LRRC36: variants seen among roughly 807,000 people sequenced by gnomAD.
The protein encoded by LRRC36 is leucine rich repeat containing 36.
LRRC36 carries 62 observed loss-of-function variants against 81.1 expected under a neutral mutation model. That is an observed-to-expected ratio of 0.76 (90% CI 0.62 to 0.94). The LOEUF is 0.94. Ranked by LOEUF, LRRC36 falls within the 40% of genes least tolerant of loss-of-function variation. The probability of loss-of-function intolerance (pLI) is 0.00; values close to 1 mark genes in which losing one functional copy is unlikely to be tolerated. For missense variants in LRRC36, 761 were observed against 881.7 expected (o/e 0.86, Z 1.73); for synonymous variants, 334 against 348.6 (o/e 0.96, Z 0.47).
intron 1 of LRRC36, among the ~76,000 whole-genome samples, chr16:67,339,208 A>G (rs915372016): frequency 1.3e-5 from 2 of 151,082 alleles, no homozygotes; most frequent in African/African-American, 2.4e-5. Context: ...ATTCATTCTC[A>G]AGGTGCCAGT....
chr16:67,361,657 C>T (rs2039150301), intron 5 of LRRC36, among the ~76,000 whole-genome samples: 1 of 152,156 alleles, frequency 6.6e-6, no homozygotes, highest in Admixed American at 6.5e-5. Context: ...ACAGCAACCT[C>T]TGCTTCCCGG....
chr16:67,332,238 C>G (rs1355782591), intron 1 of LRRC36, among the ~76,000 whole-genome samples: 2 of 151,964 alleles, frequency 1.3e-5, no homozygotes, highest in African/African-American at 4.8e-5. Context: ...GATTTGTTCT[C>G]TGATTTGTCT....
In LRRC36 at chr16:67,338,628, T is replaced by A. The variant is rs143931477; in HGVS notation, c.71-3329T>A. ...TTGGTATATCTTACATATGGATGAA[T>A]CTTTTACCCATGCATGATTTTGTAA... On this transcript the variant is annotated intron_variant, in intron 1 of 13. Transcript: ENST00000329956. 2.2e-3 allele frequency among the ~76,000 whole-genome samples: 330 copies of A among 152,278 alleles called. 1 individual carries two copies. The highest frequency in any genetic ancestry group is 7.3e-3 in the African/African-American group (303 of 41,574).
intron 12 of LRRC36, among the ~76,000 whole-genome samples, chr16:67,379,341 G>A (rs1225855925): frequency 2.6e-5 from 4 of 152,142 alleles, no homozygotes; most frequent in African/African-American, 9.7e-5. Flanking sequence ...CTTGAGCCCA[G>A]CAGTTCAAGG....
In LRRC36 at chr16:67,382,179, C is replaced by T. The variant is rs776573434; in HGVS notation, c.1977C>T (p.Cys659=). 3.7e-6 allele frequency: 6 copies of T among 1,614,060 alleles called. No individual in the cohort carries two copies. Among genetic ancestry groups the T allele is most frequent in the Non-Finnish European group, 5.1e-6 (6 of 1,180,028 alleles). The stretch of plus-strand genomic sequence containing the variant: ...AACAGCTGACCATGCAGGTGGCTTG[C>T]CTGAACCAGGAGCTTGCCCAGCTGA... The part of the protein sequence containing the change: ...KNQQLTMQVA[C]LNQELAQLKK... The change falls in exon 13 of 14, where the codon TGC becomes TGT. Residue 659 remains cysteine (C), a synonymous_variant. Coordinates refer to ENST00000329956, the MANE Select transcript of LRRC36 (RefSeq NM_018296.6).
At chr16:67,366,203 A>C (rs1462500226) in intron 7 of LRRC36, among the ~76,000 whole-genome samples, 1 of 151,420 alleles carries the variant, frequency 6.6e-6, no homozygotes, top group African/African-American at 2.4e-5. Context: ...CCCAGGCTGG[A>C]GTACAGTACA....
At chr16:67,373,889 A>G (rs893929298) in intron 9 of LRRC36, among the ~76,000 whole-genome samples, 1 of 151,532 alleles carries the variant, frequency 6.6e-6, no homozygotes, top group Non-Finnish European at 1.5e-5. Context: ...GTGCACACCT[A>G]TTATCCCAGC....
chr16:67,334,304 C>A (rs2142577672), intron 1 of LRRC36, among the ~76,000 whole-genome samples: 1 of 152,066 alleles, frequency 6.6e-6, no homozygotes, highest in Non-Finnish European at 1.5e-5. Context: ...CAGGCGTGAG[C>A]CACCGCGCCT....
At chr16:67,343,618 C>T (rs1336730203) in intron 2 of LRRC36, among the ~76,000 whole-genome samples, 2 of 151,012 alleles carry the variant, frequency 1.3e-5, no homozygotes, top group African/African-American at 4.9e-5. Context: ...TTGCTTGAAC[C>T]TGGGAGGCAG....
At position 67,384,933 on chromosome 16, in the gene LRRC36, C is replaced by T. The variant is rs1245079666; in HGVS notation, c.2109C>T (p.Ser703=). The T allele has an allele frequency of 1.4e-5, 22 of 1,614,022 alleles. No individual in the cohort carries two copies. The highest frequency in any genetic ancestry group is 8.8e-5 in the South Asian group (8 of 91,082). The change falls in exon 14 of 14, where the codon TCC becomes TCT. Residue 703 remains serine, a synonymous_variant. Coordinates refer to ENST00000329956, the MANE Select transcript of LRRC36 (RefSeq NM_018296.6). The part of the protein sequence containing the change: ...QQLNKEPKGY[S]GKALLPPEKG... ...TGAATAAGGAGCCAAAAGGTTATTC[C>T]GGGAAAGCGCTCCTGCCTCCTGAGA...
chr16:67,353,798 C>T (rs567382291), intron 5 of LRRC36, among the ~76,000 whole-genome samples: 1 of 152,258 alleles, frequency 6.6e-6, no homozygotes, highest in African/African-American at 2.4e-5. Flanking sequence ...AAATAACTTG[C>T]CCTAGTTATG....
chr16:67,333,786 C>T (rs2037614864), intron 1 of LRRC36, among the ~76,000 whole-genome samples: 1 of 152,062 alleles, frequency 6.6e-6, no homozygotes, highest in Non-Finnish European at 1.5e-5. Flanking sequence ...TTTAGGTTTA[C>T]AGAGAAATTG....
chr16:67,376,845 G>C lies in LRRC36; in HGVS notation c.1779G>C (p.Glu593Asp). The C allele has an allele frequency of 6.2e-7, 1 of 1,613,484 alleles. No homozygotes were observed. The highest frequency in any genetic ancestry group is 8.5e-7 in the Non-Finnish European group (1 of 1,179,460). ...GCAGGAGGGAGCTTGAACTGAAGGA[G>C]GCTGCGCAGCTGGTCCCTAATGACA... ...AFCRRELELK[E>D]AAQLVPNDME... Residue 593 changes from glutamate (E) to aspartate (D), a missense_variant, in exon 11 of 14, where the codon GAG becomes GAC. Around this residue, in one of 3 missense-constraint regions of LRRC36, gnomAD observed 359 missense variants for 388.4 expected, o/e 0.92. Coordinates refer to ENST00000329956, the MANE Select transcript of LRRC36 (RefSeq NM_018296.6).
chr16:67,342,352 G>A (rs1227323361), intron 2 of LRRC36, among the ~76,000 whole-genome samples: 1 of 152,186 alleles, frequency 6.6e-6, no homozygotes, highest in African/African-American at 2.4e-5. Context: ...ATTTTAGTGT[G>A]TATAAAAAAT....
At chr16:67,354,135 C>G (rs1429745130) in intron 5 of LRRC36, among the ~76,000 whole-genome samples, 3 of 152,126 alleles carry the variant, frequency 2.0e-5, no homozygotes, top group African/African-American at 4.8e-5. Context: ...AATACTCAAT[C>G]AAACCACTCC....
At position 67,356,026 on chromosome 16, in the gene LRRC36, A is replaced by G. The variant is rs1247896804; in HGVS notation, c.577+5736A>G. Among the ~76,000 whole-genome samples the G allele has an allele frequency of 2.6e-5, 4 of 152,222 alleles. No homozygotes were observed. The East Asian group carries it at 5.8e-4, about 22-fold the overall frequency. ...TTTGGGTGGAAGGTTTATGTTGGGT[A>G]GAAGGTCAGGTTCTGGAGAACAGTG... is the stretch of plus-strand genomic sequence containing the variant. On this transcript the variant is annotated intron_variant, in intron 5 of 13. Transcript: ENST00000329956.
chr16:67,373,971 C>T lies in LRRC36; in HGVS notation c.1495-1276C>T, dbSNP rs370109864. On this transcript the variant is annotated intron_variant, in intron 9 of 13. Coordinates refer to ENST00000329956, the MANE Select transcript of LRRC36 (RefSeq NM_018296.6). ...GAGGTTGCAGTGAACTGAGATCATG[C>T]GACTACAGTCCAGCCTGGGCAATAG... Among the ~76,000 whole-genome samples the T allele has an allele frequency of 2.6e-4, 39 of 152,056 alleles. 1 individual carries two copies. The South Asian group carries it at 7.3e-3, about 28-fold the overall frequency.
intron 3 of LRRC36, 100 bp from the exon 4 acceptor site, chr16:67,347,395 G>C: frequency 6.4e-7 from 1 of 1,561,482 alleles, no homozygotes; most frequent in South Asian, 1.2e-5. Context: ...AGATGAGACT[G>C]GTCCTAATTT....
In LRRC36 at chr16:67,375,273, G is replaced by T. The variant is rs749760471; in HGVS notation, c.1521G>T (p.Leu507Phe). 12 of 1,611,184 alleles carry T rather than the reference G, an allele frequency of 7.4e-6. No homozygotes were observed. The East Asian group carries it at 8.9e-5, about 12-fold the overall frequency. ...CTCTCTCTAGTGACCTGGGTAGTTT[G>T]CACGGTTTGGCTGGAAACCACAGTC... ...SEPLSSDLGSLHGLAGNHSPP... is the reference protein window; with the variant it reads ...SEPLSSDLGSFHGLAGNHSPP... Residue 507 changes from leucine (L) to phenylalanine (F), a missense_variant, in exon 10 of 14, where the codon TTG becomes TTT. Leu to Phe is a conservative substitution (Grantham distance 22). This residue lies in a region of LRRC36 where 359 missense variants were observed against 388.4 expected (regional missense o/e 0.92). Transcript: ENST00000329956.
Sources: gnomAD v4.1 joint callset for allele counts (sites outside exome capture counted in the v4.1 genomes callset) on GRCh38, gnomAD v4.1.1 for gene constraint, gnomAD v4.1.1 regional missense constraint, MANE v1.5 for transcripts, NCBI Gene and HGNC (gene_info 2026-07-23, HGNC 2026-07-21) for gene names.